FBXO27: variants seen among roughly 807,000 people sequenced by gnomAD.
The protein encoded by FBXO27 is F-box protein 27.
Under a neutral mutation model 28.3 loss-of-function variants are expected in FBXO27, and 28 were observed. The ratio of observed to expected loss-of-function variants is 0.99; its 90% CI spans 0.73 to 1.36. FBXO27 has a LOEUF of 1.36. FBXO27 is among the 40% of genes most tolerant of loss of function. FBXO27 has a pLI of 0.00. For synonymous variants in FBXO27, 175 were observed against 167.3 expected, an observed-to-expected ratio of 1.05 and a Z score of -0.36; for missense variants, 388 against 394.1, an observed-to-expected ratio of 0.98 and a Z score of 0.13.
At chr19:39,021,720 C>T (rs1031882060), downstream of FBXO27, among the ~76,000 whole-genome samples, 4 of 151,260 alleles carry the variant, frequency 2.6e-5, no homozygotes, top group Non-Finnish European at 4.4e-5. Flanking sequence ...TGGAGTGCAG[C>T]GGTGCAATCT....
chr19:39,031,550 G>C (rs1436523052), intron 2 of FBXO27: 8 of 615,234 alleles, frequency 1.3e-5, no homozygotes, highest in Non-Finnish European at 2.0e-5. Flanking sequence ...CCTCTCTCGG[G>C]CTCCCAGAAC....
chr19:39,021,594 T>C (rs1431356269), downstream of FBXO27, among the ~76,000 whole-genome samples: 5 of 152,236 alleles, frequency 3.3e-5, no homozygotes, highest in African/African-American at 1.2e-4. Flanking sequence ...TGACCATTTA[T>C]GTTATCAGCG....
chr19:39,023,156 C>T (rs2072853616), downstream of FBXO27, among the ~76,000 whole-genome samples: 1 of 152,046 alleles, frequency 6.6e-6, no homozygotes, highest in Non-Finnish European at 1.5e-5. Context: ...CTAGCCTGGT[C>T]TCGAACTGAC....
At chr19:39,013,910 G>C (rs2072807622) in intron 2 of FBXO27, among the ~76,000 whole-genome samples, 1 of 152,106 alleles carries the variant, frequency 6.6e-6, no homozygotes, top group African/African-American at 2.4e-5. Flanking sequence ...CTACTCGGGA[G>C]GCTGAGGCAG....
chr19:39,029,433 A>AAG, intron 4 of FBXO27, among the ~76,000 whole-genome samples: 1 of 151,196 alleles, frequency 6.6e-6, no homozygotes, highest in African/African-American at 2.4e-5. Context: ...TCTCAAAAAA[A>AAG]AAAAAAAAAA....
At chr19:39,020,755 C>CCAAAAA (rs1491241110), downstream of FBXO27, among the ~76,000 whole-genome samples, 1 of 105,284 alleles carries the variant, frequency 9.5e-6, no homozygotes, top group East Asian at 2.6e-4. Context: ...GTGGATATGG[C>CCAAAAA]AAAAAAAAAA....
chr19:39,031,052 C>A lies in FBXO27; in HGVS notation c.549G>T (p.Arg183Ser). ...ACCAGTCAGAGACACAAATCTCAAT[C>A]CTGCCACTATCCAGCAGTTCTGGCC... ...GLWPELLDSG[R>S]IEICVSDWWG... Residue 183 changes from arginine to serine, a missense_variant, in exon 4 of 6, where the codon AGG (arginine) becomes AGT (serine). By Grantham distance (110) the Arg-to-Ser change is moderately radical. Transcript: ENST00000292853. 1 of 1,614,086 alleles carries A rather than the reference C, an allele frequency of 6.2e-7. No homozygotes were observed. The highest frequency in any genetic ancestry group is 8.5e-7 in the Non-Finnish European group (1 of 1,179,994).
rs189417585 is a variant in FBXO27 at position 39,008,038 on chromosome 19, C to T, written c.252+6349G>A. 3.5e-4 allele frequency among the ~76,000 whole-genome samples: 53 copies of T among 152,142 alleles called. 1 individual carries two copies. Among genetic ancestry groups the T allele is most frequent in the Admixed American group, 1.3e-3 (20 of 15,256 alleles). ...TAGCAATTTGGGAGGCTTAGGTGAGCGGTTGCCTGAGCTTAGGAGCTCGAG... is the reference window on the plus strand; with the variant it reads ...TAGCAATTTGGGAGGCTTAGGTGAGTGGTTGCCTGAGCTTAGGAGCTCGAG... On this transcript the variant is annotated intron_variant, in intron 2 of 2. Coordinates refer to the FBXO27 transcript ENST00000598394.
Position 39,032,542 on chromosome 19 carries a change from T to C in FBXO27, c.-66A>G. The C allele has an allele frequency of 3.2e-6, 1 of 310,406 alleles. No homozygotes were observed. The highest frequency in any genetic ancestry group is 5.9e-6 in the Non-Finnish European group (1 of 168,578). The allele number at this position is 310,406 out of a possible 1,614,324, so 19.2% of individuals were successfully genotyped here. A position where few individuals can be genotyped will look rare whatever the true frequency, so the allele number is the denominator to read the frequency against. ...GCGCTCCTCGCCGGGATGCCCTAGC[T>C]GTGCCGCAAGCTCCCCACGCCCCTC... On this transcript the variant is annotated 5_prime_UTR_variant, in exon 1 of 6. Coordinates refer to ENST00000292853, the MANE Select transcript of FBXO27 (RefSeq NM_178820.5). This position sits in a 1 kb window ranked among gnomAD's most constrained non-coding sequence, Gnocchi z 4.7.
In FBXO27 at chr19:39,032,064, C is replaced by A; in HGVS notation, c.164G>T (p.Arg55Leu). ...GCCGTCCACCAGGGCTCGCCAGCCCCGGCACACTTGGCGGCAGCGCCCGAG... is the reference window on the plus strand; with the variant it reads ...GCCGTCCACCAGGGCTCGCCAGCCCAGGCACACTTGGCGGCAGCGCCCGAG... ...TLLGRCRQVCRGWRALVDGQA... is the reference protein window; with the variant it reads ...TLLGRCRQVCLGWRALVDGQA... The change falls in exon 2 of 6, where the codon CGG (arginine) becomes CTG (leucine). Residue 55 changes from arginine to leucine, a missense_variant. Physicochemically the swap from Arg to Leu is moderately radical, Grantham distance 102. Transcript: ENST00000292853. This position sits in a 1 kb window ranked among gnomAD's most constrained non-coding sequence, Gnocchi z 4.7. 3 of 1,532,150 alleles carry A rather than the reference C, an allele frequency of 2.0e-6. No individual in the cohort carries two copies. The East Asian group carries it at 8.1e-5, about 41-fold the overall frequency. 94.9% of individuals were successfully genotyped at this position (1,532,150 alleles called of 1,614,324 possible). A position where few individuals can be genotyped will look rare whatever the true frequency, so the allele number is the denominator to read the frequency against.
In FBXO27 at chr19:39,016,157, G is replaced by A. The variant is rs185721349; in HGVS notation, c.92-1610C>T. On this transcript the variant is annotated intron_variant, in intron 1 of 2. Coordinates refer to the FBXO27 transcript ENST00000598394. The stretch of plus-strand genomic sequence containing the variant: ...AGGAGTGAACTGGTAGAGCACAGAG[G>A]ACTTTTAGGGCAGTGAAACTAGTCT... Among the ~76,000 whole-genome samples, 7 of 152,262 alleles carry A rather than the reference G, an allele frequency of 4.6e-5. No individual in the cohort carries two copies. The East Asian group carries it at 1.3e-3, about 29-fold the overall frequency.
intron 2 of FBXO27, 110 bp from the exon 3 acceptor site, chr19:39,031,430 T>G (rs2072902833): frequency 1.1e-6 from 1 of 943,546 alleles, no homozygotes; most frequent in Non-Finnish European, 1.6e-6. Flanking sequence ...CTCACTCACC[T>G]GACCCTTCCC....
chr19:39,010,391 A>G (rs1212626643), intron 2 of FBXO27, among the ~76,000 whole-genome samples: 1 of 151,960 alleles, frequency 6.6e-6, no homozygotes, highest in Admixed American at 6.6e-5. Context: ...TGGTCTTGGC[A>G]CCGTTGTTGA....
At chr19:39,011,987 A>G (rs1224840794) in intron 2 of FBXO27, among the ~76,000 whole-genome samples, 1 of 147,170 alleles carries the variant, frequency 6.8e-6, no homozygotes, top group Admixed American at 6.8e-5. Flanking sequence ...CGCCACCATG[A>G]CCAGCTAATT....
downstream of FBXO27, among the ~76,000 whole-genome samples, chr19:39,022,285 C>T (rs2144893526): frequency 6.6e-6 from 1 of 151,006 alleles, no homozygotes; most frequent in Non-Finnish European, 1.5e-5. Context: ...CAGGCACACG[C>T]TCCCCCACCA....
At chr19:39,015,865 G>A (rs1421030921) in intron 1 of FBXO27, among the ~76,000 whole-genome samples, 1 of 152,116 alleles carries the variant, frequency 6.6e-6, no homozygotes, top group Non-Finnish European at 1.5e-5. Context: ...GAGGTGAGGA[G>A]TTCAAGACCA....
chr19:39,016,620 C>CA (rs1286631394), intron 1 of FBXO27, among the ~76,000 whole-genome samples: 4 of 145,518 alleles, frequency 2.7e-5, no homozygotes, highest in African/African-American at 1.0e-4. Context: ...ACCCAAAAGC[C>CA]AAAAAAACAA....
intron 2 of FBXO27, among the ~76,000 whole-genome samples, chr19:39,010,636 T>TC (rs758849307): frequency 6.6e-6 from 1 of 152,194 alleles, no homozygotes; most frequent in Non-Finnish European, 1.5e-5. Flanking sequence ...CAGGGGGTTA[T>TC]CCCCCGTCTC....
Position 39,031,022 on chromosome 19 carries a change from C to T in FBXO27, c.572+7G>A, listed in dbSNP as rs752454064. Reference sequence around the variant, plus strand: ...TAGCAAGGGGCTATTTTAATCGTCACACTCACCAGTCAGAGACACAAATCT... The same window carrying T: ...TAGCAAGGGGCTATTTTAATCGTCATACTCACCAGTCAGAGACACAAATCT... On this transcript the variant is annotated splice_region_variant and intron_variant, in intron 4 of 5. Coordinates refer to ENST00000292853, the MANE Select transcript of FBXO27 (RefSeq NM_178820.5). The T allele has an allele frequency of 1.2e-6, 2 of 1,612,796 alleles. No individual in the cohort carries two copies. Among genetic ancestry groups the T allele is most frequent in the South Asian group, 1.1e-5 (1 of 91,048 alleles).
Sources: gnomAD v4.1 joint callset for allele counts (sites outside exome capture counted in the v4.1 genomes callset) on GRCh38, gnomAD v4.1.1 for gene constraint, Gnocchi (gnomAD v3.1) non-coding constraint, MANE v1.5 for transcripts, NCBI Gene and HGNC (gene_info 2026-07-23, HGNC 2026-07-21) for gene names.